Variants in SGSM1 observed in about 807,000 individuals in gnomAD.
SGSM1 encodes RUN and TBC1 domain containing 2.
Under a neutral mutation model 133.8 loss-of-function variants are expected in SGSM1, and 73 were observed. The ratio of observed to expected loss-of-function variants is 0.55; its 90% CI spans 0.45 to 0.66. The LOEUF (loss-of-function observed/expected upper bound fraction) is 0.66, where lower values mean the gene tolerates loss of function less well. Ranked by LOEUF, SGSM1 falls within the 30% of genes least tolerant of loss-of-function variation. The pLI, the probability that SGSM1 is intolerant of heterozygous loss-of-function variation, is 0.00. For missense variants in SGSM1, 1,213 were observed against 1,448.1 expected (o/e 0.84, Z 2.64); for synonymous variants, 563 against 573.0 (o/e 0.98, Z 0.25).
At chr22:24,859,867 C>G in intron 9 of SGSM1, 27 bp downstream of exon 9, 1 of 1,612,156 alleles carries the variant, frequency 6.2e-7, no homozygotes, top group Non-Finnish European at 8.5e-7. Flanking sequence ...GATACGTATC[C>G]CTTGGGTCCC....
chr22:24,827,442 G>A (rs1204509611), intron 2 of SGSM1, among the ~76,000 whole-genome samples: 2 of 152,064 alleles, frequency 1.3e-5, no homozygotes, highest in South Asian at 2.1e-4. Flanking sequence ...GTGGCTGGAC[G>A]TGGTGGGGCA....
intron 2 of SGSM1, among the ~76,000 whole-genome samples, chr22:24,822,050 C>T (rs1262598060): frequency 6.6e-5 from 10 of 151,528 alleles, no homozygotes; most frequent in African/African-American, 2.4e-4. Context: ...GTTTCCACTG[C>T]CCTGCAAACC....
intron 21 of SGSM1, among the ~76,000 whole-genome samples, chr22:24,909,764 C>T (rs1933548457): frequency 1.3e-5 from 2 of 151,994 alleles, no homozygotes; most frequent in South Asian, 2.1e-4. Flanking sequence ...CTGGTTTGGC[C>T]ACTTTAAAAA....
intron 2 of SGSM1, among the ~76,000 whole-genome samples, chr22:24,829,919 G>A (rs1430957619): frequency 2.0e-5 from 3 of 152,292 alleles, no homozygotes; most frequent in Non-Finnish European, 2.9e-5. Flanking sequence ...AGCTTTCAAA[G>A]TGGATCAAGC....
At chr22:24,912,135 A>C (rs1933650203) in intron 21 of SGSM1, among the ~76,000 whole-genome samples, 1 of 151,910 alleles carries the variant, frequency 6.6e-6, no homozygotes, top group South Asian at 2.1e-4. Flanking sequence ...AGCCAAGAGG[A>C]GCTTAAGGGA....
At chr22:24,853,008 G>A (rs1232589105) in intron 5 of SGSM1, among the ~76,000 whole-genome samples, 2 of 152,192 alleles carry the variant, frequency 1.3e-5, no homozygotes, top group Non-Finnish European at 2.9e-5. Context: ...ACCATTTTGT[G>A]AGAATTTCCT....
intron 12 of SGSM1, among the ~76,000 whole-genome samples, chr22:24,874,939 G>A (rs757377930): frequency 1.3e-4 from 20 of 152,218 alleles, no homozygotes; most frequent in Non-Finnish European, 2.8e-4. Context: ...GCTAGCTCAT[G>A]GGTGAGTCTA....
intron 24 of SGSM1, among the ~76,000 whole-genome samples, chr22:24,920,678 AAAAC>A (rs971689845): frequency 4.2e-5 from 6 of 143,588 alleles, no homozygotes; most frequent in East Asian, 2.9e-4. Flanking sequence ...GTTCTGGAAA[AAAAC>A]AAAAGAAAAA....
chr22:24,833,759 G>A (rs1171409582), intron 2 of SGSM1, among the ~76,000 whole-genome samples: 1 of 152,206 alleles, frequency 6.6e-6, no homozygotes, highest in East Asian at 1.9e-4. Context: ...AGATTCCCGA[G>A]GGTGGAAGAG....
At chr22:24,811,075 T>C (rs1240031867) in intron 2 of SGSM1, among the ~76,000 whole-genome samples, 2 of 152,164 alleles carry the variant, frequency 1.3e-5, no homozygotes, top group Non-Finnish European at 2.9e-5. Context: ...GAGTATGTGT[T>C]GCTAAATCTG....
intron 19 of SGSM1, 83 bp downstream of exon 19, chr22:24,898,642 T>C: frequency 2.9e-6 from 4 of 1,365,436 alleles, no homozygotes; most frequent in Admixed American, 4.5e-5. Flanking sequence ...TTATCCAGAA[T>C]GACCCCGGAG....
chr22:24,852,968 C>G (rs1930569125), intron 5 of SGSM1, among the ~76,000 whole-genome samples: 1 of 152,164 alleles, frequency 6.6e-6, no homozygotes, highest in South Asian at 2.1e-4. Context: ...ATGGAAGACT[C>G]TTGGGGGGTA....
chr22:24,859,749 T>G lies in SGSM1; in HGVS notation c.835T>G (p.Ser279Ala). 2 of 1,613,902 alleles carry G rather than the reference T, an allele frequency of 1.2e-6. No homozygotes were observed. The highest frequency in any genetic ancestry group is 1.7e-6 in the Non-Finnish European group (2 of 1,179,862). The part of the protein sequence containing the change: ...DDMEAVPGYL[S>A]LHQTADVMTL... ...CATGGAGGCTGTGCCAGGGTACCTG[T>G]CCCTGCACCAGACGGCTGACGTCAT... Residue 279 changes from serine to alanine, a missense_variant, in exon 9 of 25, where the codon TCC (serine) becomes GCC (alanine). By Grantham distance (99) the Ser-to-Ala change is moderately conservative. Coordinates refer to ENST00000400358, the MANE Select transcript of SGSM1 (RefSeq NM_001098497.3).
intron 9 of SGSM1, among the ~76,000 whole-genome samples, chr22:24,862,421 G>A (rs755651591): frequency 1.3e-5 from 2 of 152,178 alleles, no homozygotes; most frequent in African/African-American, 2.4e-5. Flanking sequence ...TTAGAAGATT[G>A]TAGTCACACA....
chr22:24,911,213 G>T (rs1933604396), intron 21 of SGSM1, among the ~76,000 whole-genome samples: 1 of 152,028 alleles, frequency 6.6e-6, no homozygotes, highest in Non-Finnish European at 1.5e-5. Flanking sequence ...CTCCAGCCTG[G>T]GTGGCAGAAT....
rs575165948 is a variant in SGSM1, at chr22:24,897,841, T to C, written c.2023-131T>C. The stretch of plus-strand genomic sequence containing the variant: ...GTTTTGCCTCGTTCTTTTCACTGAC[T>C]GTATGGTATTCCACTGCATGCTTGA... On this transcript the variant is annotated intron_variant, in intron 18 of 24. Coordinates refer to ENST00000400358, the MANE Select transcript of SGSM1 (RefSeq NM_001098497.3). 1.2e-5 allele frequency: 9 copies of C among 768,994 alleles called. No individual in the cohort carries two copies. The South Asian group carries it at 1.4e-4, about 12-fold the overall frequency. 47.6% of individuals were successfully genotyped at this position (768,994 alleles called of 1,614,324 possible). A position where few individuals can be genotyped will look rare whatever the true frequency, so the allele number is the denominator to read the frequency against.
At position 24,898,521 on chromosome 22, in the gene SGSM1, G is replaced by A. The variant is rs1403468660; in HGVS notation, c.2572G>A (p.Glu858Lys). ...TCTGGCTGTGACTACTTCTGCCAAC[G>A]AGGTGTCCCCTGTGTCTTCCAGCGG... ...ASLAVTTSAN[E>K]VSPVSSSGVT... Residue 858 changes from glutamate (E) to lysine (K), a missense_variant, in exon 19 of 25, where the codon GAG becomes AAG. By Grantham distance (56) the Glu-to-Lys change is moderately conservative (BLOSUM62 1). Transcript: ENST00000400358. 16 of 1,613,046 alleles carry A rather than the reference G, an allele frequency of 9.9e-6. No homozygotes were observed. Among genetic ancestry groups the A allele is most frequent in the East Asian group, 2.2e-5 (1 of 44,866 alleles).
intron 16 of SGSM1, among the ~76,000 whole-genome samples, chr22:24,887,107 T>TTGTGTGTGTGTGTGTGTGTG (rs60431385): frequency 2.8e-3 from 413 of 145,304 alleles, no homozygotes; most frequent in South Asian, 0.013. Context: ...TTGTACTTAT[T>TTGTGTGTGTGTGTGTGTGTG]TGTGTGTGTG....
At chr22:24,862,050 G>A (rs1942845274) in intron 9 of SGSM1, among the ~76,000 whole-genome samples, 1 of 151,302 alleles carries the variant, frequency 6.6e-6, no homozygotes, top group Non-Finnish European at 1.5e-5. Flanking sequence ...CGCCTCCCAG[G>A]TTCAAGCAAT....
Sources: allele counts gnomAD v4.1 joint callset (sites outside exome capture counted in the v4.1 genomes callset), GRCh38; gene constraint gnomAD v4.1.1; transcripts MANE v1.5; gene names NCBI Gene and HGNC (gene_info 2026-07-23, HGNC 2026-07-21).